Variants in GRHL2 observed in about 807,000 individuals in gnomAD.
GRHL2 encodes grainyhead like transcription factor 2, also known as grainyhead-like protein 2 homolog.
Under a neutral mutation model 83.8 loss-of-function variants are expected in GRHL2, and 21 were observed. That is an observed-to-expected ratio of 0.25 (90% CI 0.18 to 0.36). GRHL2 has a LOEUF of 0.36. Ranked by LOEUF, GRHL2 falls within the 10% of genes least tolerant of loss-of-function variation. The pLI, the probability that GRHL2 is intolerant of heterozygous loss-of-function variation, is 1.00. For missense variants in GRHL2, 623 were observed against 781.8 expected, an observed-to-expected ratio of 0.80 and a Z score of 2.42; for synonymous variants, 280 against 278.9, an observed-to-expected ratio of 1.00 and a Z score of -0.04.
chr8:101,512,478 T>A (rs747025850), intron 1 of GRHL2, among the ~76,000 whole-genome samples: 7 of 151,914 alleles, frequency 4.6e-5, no homozygotes, highest in Non-Finnish European at 8.8e-5. Flanking sequence ...ATATGTTTTA[T>A]TTTATTTACA....
At chr8:101,640,180 A>G (rs1442304909) in intron 12 of GRHL2, among the ~76,000 whole-genome samples, 1 of 152,222 alleles carries the variant, frequency 6.6e-6, no homozygotes, top group Non-Finnish European at 1.5e-5. Flanking sequence ...TGATCTTAGA[A>G]GTTCTTAACT....
At chr8:101,493,297 C>T (rs1810006401) in intron 1 of GRHL2, among the ~76,000 whole-genome samples, 1 of 152,218 alleles carries the variant, frequency 6.6e-6, no homozygotes, top group Admixed American at 6.5e-5. Context: ...GCCATCTTCT[C>T]GCACCGGGCA....
chr8:101,672,678 G>A (rs1425102405), downstream of GRHL2, among the ~76,000 whole-genome samples: 4 of 151,844 alleles, frequency 2.6e-5, no homozygotes, highest in East Asian at 5.8e-4. Flanking sequence ...GCAGGCCAAC[G>A]TTCAGATTCA....
chr8:101,601,464 A>T (rs1422945604), intron 8 of GRHL2, among the ~76,000 whole-genome samples: 1 of 152,194 alleles, frequency 6.6e-6, no homozygotes, highest in Non-Finnish European at 1.5e-5. Flanking sequence ...CTTCCAGCCC[A>T]GTTCATTCCA....
intron 13 of GRHL2, among the ~76,000 whole-genome samples, chr8:101,647,071 A>G (rs1813526139): frequency 1.3e-5 from 2 of 152,214 alleles, no homozygotes; most frequent in South Asian, 4.1e-4. Flanking sequence ...AATCCAGTGG[A>G]AGCAGTACTC....
chr8:101,536,249 G>A (rs917435491), intron 1 of GRHL2, among the ~76,000 whole-genome samples: 6 of 152,166 alleles, frequency 3.9e-5, no homozygotes, highest in Non-Finnish European at 7.4e-5. Flanking sequence ...GTTATAGGCA[G>A]TAAAGAGTCA....
intron 14 of GRHL2, among the ~76,000 whole-genome samples, chr8:101,656,165 TC>T (rs1813781859): frequency 6.6e-6 from 1 of 152,216 alleles, no homozygotes; most frequent in Non-Finnish European, 1.5e-5. Context: ...GTTTCTCTCT[TC>T]CCCAGTTGAA....
At chr8:101,609,581 A>G (rs1436151522) in intron 8 of GRHL2, among the ~76,000 whole-genome samples, 2 of 151,152 alleles carry the variant, frequency 1.3e-5, no homozygotes, top group African/African-American at 4.9e-5. Context: ...AGCATTATTT[A>G]TGACAGGAAA....
intron 12 of GRHL2, among the ~76,000 whole-genome samples, chr8:101,643,913 AC>A (rs1365375476): frequency 6.6e-6 from 1 of 152,254 alleles, no homozygotes; most frequent in East Asian, 1.9e-4. Flanking sequence ...AGTGGGAAGC[AC>A]GTGTTAAGTC....
chr8:101,658,492 G>A (rs1813847048), intron 14 of GRHL2, among the ~76,000 whole-genome samples: 1 of 152,170 alleles, frequency 6.6e-6, no homozygotes, highest in Non-Finnish European at 1.5e-5. Context: ...GTGAATAGAT[G>A]CAAAGCTCCA....
chr8:101,661,407 G>C (rs1813918319), intron 14 of GRHL2, among the ~76,000 whole-genome samples: 1 of 151,972 alleles, frequency 6.6e-6, no homozygotes, highest in South Asian at 2.1e-4. Context: ...CTAGTTCCAG[G>C]ACACCTCCCC....
intron 2 of GRHL2, among the ~76,000 whole-genome samples, chr8:101,548,442 G>A (rs1342859520): frequency 6.6e-6 from 1 of 152,216 alleles, no homozygotes; most frequent in African/African-American, 2.4e-5. Context: ...AGGAAGCAAT[G>A]CCTACTCTGC....
rs550123716 is a variant in GRHL2 at position 101,561,984 on chromosome 8, T to C, written c.678+3172T>C. 29 of 727,686 alleles carry C rather than the reference T, an allele frequency of 4.0e-5. 1 individual carries two copies. Among genetic ancestry groups the C allele is most frequent in the South Asian group, 3.4e-4 (25 of 72,536 alleles). 45.1% of individuals were successfully genotyped at this position (727,686 alleles called of 1,614,324 possible). ...CATTTTCAAATGTACATAAAAGAAA[T>C]GGTTACAGAGATTTTTAAGAAGCAT... On this transcript the variant is annotated intron_variant, in intron 4 of 15. Transcript: ENST00000646743.
chr8:101,634,873 C>A (rs1813255911), intron 11 of GRHL2, among the ~76,000 whole-genome samples: 1 of 152,068 alleles, frequency 6.6e-6, no homozygotes, highest in Non-Finnish European at 1.5e-5. Context: ...AGGAATAAAT[C>A]CAATGTGCAG....
At chr8:101,661,074 T>C (rs1027604734) in intron 14 of GRHL2, among the ~76,000 whole-genome samples, 4 of 152,242 alleles carry the variant, frequency 2.6e-5, no homozygotes, top group South Asian at 2.1e-4. Context: ...TGGGCCAAGA[T>C]AGCTTTGAAT....
At chr8:101,530,734 TA>T (rs1467990967) in intron 1 of GRHL2, among the ~76,000 whole-genome samples, 2 of 152,200 alleles carry the variant, frequency 1.3e-5, no homozygotes, top group African/African-American at 4.8e-5. Flanking sequence ...ACAAATAATG[TA>T]AACTTGTTGT....
intron 1 of GRHL2, among the ~76,000 whole-genome samples, chr8:101,536,340 G>C (rs897202865): frequency 6.6e-6 from 1 of 152,160 alleles, no homozygotes; most frequent in East Asian, 1.9e-4. Context: ...AAAGTTGAAG[G>C]CATGAAGAGA....
At chr8:101,673,790 T>C (rs894843644), downstream of GRHL2, among the ~76,000 whole-genome samples, 1 of 151,944 alleles carries the variant, frequency 6.6e-6, no homozygotes, top group Non-Finnish European at 1.5e-5. Flanking sequence ...ATTCCAAAAT[T>C]GACCACATAA....
intron 1 of GRHL2, among the ~76,000 whole-genome samples, chr8:101,515,270 T>C (rs1185926995): frequency 4.6e-5 from 7 of 151,850 alleles, no homozygotes; most frequent in South Asian, 2.1e-4. Flanking sequence ...TCAGCTTTTC[T>C]TACAAATTTA....
Sources: allele counts gnomAD v4.1 joint callset (sites outside exome capture counted in the v4.1 genomes callset), GRCh38; gene constraint gnomAD v4.1.1; transcripts MANE v1.5; gene names NCBI Gene and HGNC (gene_info 2026-07-23, HGNC 2026-07-21).